NRIP1: variants seen among roughly 807,000 people sequenced by gnomAD.
NRIP1 encodes the protein nuclear receptor interacting protein 1.
NRIP1 carries 28 observed loss-of-function variants against 75.0 expected under a neutral mutation model. The observed-to-expected ratio is 0.37, with a 90% CI of 0.28 to 0.51. NRIP1 has a LOEUF of 0.51. NRIP1 is among the 20% of genes least tolerant of loss of function. The pLI is 0.92. For synonymous variants in NRIP1, 526 were observed against 487.6 expected, an observed-to-expected ratio of 1.08 and a Z score of -1.04; for missense variants, 1,435 against 1,343.7, an observed-to-expected ratio of 1.07 and a Z score of -1.06.
chr21:15,063,745 T>TA (rs142340926), intron 1 of NRIP1, among the ~76,000 whole-genome samples: 2,264 of 152,338 alleles, frequency 0.015, 49 homozygotes, highest in African/African-American at 0.05. Context: ...TCCTTGTGCC[T>TA]AAGAACGTCT....
Position 14,968,175 on chromosome 21 carries a change from C to T in NRIP1, c.18G>A (p.Glu6=), listed in dbSNP as rs755463483. 1.9e-6 allele frequency: 3 copies of T among 1,610,888 alleles called. No individual in the cohort carries two copies. Among genetic ancestry groups the T allele is most frequent in the Non-Finnish European group, 8.5e-7 (1 of 1,178,420 alleles). Residue 6 remains glutamate, a synonymous_variant, in exon 4 of 4, where the codon GAG becomes GAA. Coordinates refer to ENST00000318948, the MANE Select transcript of NRIP1 (RefSeq NM_003489.4). ...AATCCTGGTGCACATCAGAGCCAAGCTCTTCTCCATGAGTCATGTTCAATA... is the reference window on the plus strand; with the variant it reads ...AATCCTGGTGCACATCAGAGCCAAGTTCTTCTCCATGAGTCATGTTCAATA... MTHGE[E]LGSDVHQDSI...
At chr21:15,047,763 G>C (rs1229768285) in intron 1 of NRIP1, among the ~76,000 whole-genome samples, 1 of 152,136 alleles carries the variant, frequency 6.6e-6, no homozygotes, top group East Asian at 1.9e-4. Flanking sequence ...TCATTCATGT[G>C]TTCACTGGAG....
rs2086695308 is a variant in NRIP1, at chr21:14,965,169, A to G, written c.3024T>C (p.Thr1008=). The G allele has an allele frequency of 6.2e-7, 1 of 1,613,178 alleles. No individual in the cohort carries two copies. Among genetic ancestry groups the G allele is most frequent in the African/African-American group, 1.3e-5 (1 of 74,898 alleles). The change falls in exon 4 of 4, where the codon ACT becomes ACC. Residue 1008 remains threonine (T), a synonymous_variant. Transcript: ENST00000318948. The stretch of plus-strand genomic sequence containing the variant: ...GCTCAGGGAAAGTAGGACTCACAGG[A>G]GTTTTTACTACACCTGGGTATGAAA... ...RTFSYPGVVK[T]PVSPTFPEHL... is the part of the protein sequence containing the mutation.
At chr21:15,060,855 C>T (rs2089409154) in intron 1 of NRIP1, among the ~76,000 whole-genome samples, 1 of 152,172 alleles carries the variant, frequency 6.6e-6, no homozygotes, top group Non-Finnish European at 1.5e-5. Flanking sequence ...GATCTCTCTC[C>T]TCCATTTACT....
At position 15,005,972 on chromosome 21, in the gene NRIP1, C is replaced by T. The variant is rs79523922; in HGVS notation, c.-335+8372G>A. ...ATCTTTCAGATTTGTAGCACAGTCACAGGTTAAGACTAAAAAATATTTCCA... is the reference window on the plus strand; with the variant it reads ...ATCTTTCAGATTTGTAGCACAGTCATAGGTTAAGACTAAAAAATATTTCCA... On this transcript the variant is annotated intron_variant, in intron 3 of 3. Transcript: ENST00000318948. 0.018 allele frequency among the ~76,000 whole-genome samples: 2,760 copies of T among 152,110 alleles called. 231 individuals are homozygous for T. The East Asian group carries it at 0.27, about 15-fold the overall frequency.
chr21:14,998,080 C>T (rs2087772138), intron 3 of NRIP1, among the ~76,000 whole-genome samples: 3 of 152,186 alleles, frequency 2.0e-5, no homozygotes, highest in Admixed American at 6.5e-5. Flanking sequence ...TCTCCAGTAT[C>T]TCTGTGTTTG....
chr21:15,029,843 A>G (rs2088603478), intron 2 of NRIP1, among the ~76,000 whole-genome samples: 3 of 149,836 alleles, frequency 2.0e-5, no homozygotes, highest in Admixed American at 2.0e-4. Context: ...TAAATAAATA[A>G]ATAATAAACA....
chr21:14,993,646 G>A (rs1257988152), intron 3 of NRIP1, among the ~76,000 whole-genome samples: 2 of 152,016 alleles, frequency 1.3e-5, no homozygotes, highest in East Asian at 3.9e-4. Flanking sequence ...ATAGCTGGGT[G>A]TGGTGGCACG....
Position 14,965,062 on chromosome 21 carries a change from C to T in NRIP1, c.3131G>A (p.Trp1044Ter), listed in dbSNP as rs1387678549. The T allele has an allele frequency of 1.2e-6, 2 of 1,613,844 alleles. No homozygotes were observed. Among genetic ancestry groups the T allele is most frequent in the South Asian group, 2.2e-5 (2 of 91,080 alleles). The change falls in exon 4 of 4, where the codon TGG (tryptophan) becomes TAG (stop). Residue 1044 changes from tryptophan to a stop codon, truncating the protein, a stop_gained. Transcript: ENST00000318948. LOFTEE classifies it high-confidence loss of function. ...SMPSEKGPIK[W>*]VITDAEKNEY... is the part of the protein sequence containing the mutation. Reference sequence around the variant, plus strand: ...ATTCTTCTCCGCATCAGTGATAACCCACTTAATGGGTCCTTTCTCACTGGG... The same window carrying T: ...ATTCTTCTCCGCATCAGTGATAACCTACTTAATGGGTCCTTTCTCACTGGG...
rs2086783931 is a variant in NRIP1 at position 14,967,363 on chromosome 21, T to G, written c.830A>C (p.Gln277Pro). 2.5e-6 allele frequency: 4 copies of G among 1,614,036 alleles called. No individual in the cohort carries two copies. ...TAAAGCGTGTTCTCGAGAATACTGC[T>G]GCAAATGGGCTTCGCTTGACAGAAG... ...ALLLSSEAHL[Q>P]QYSREHALKT... The change falls in exon 4 of 4, where the codon CAG becomes CCG. Residue 277 changes from glutamine to proline, a missense_variant. Physicochemically the swap from Gln to Pro is moderately conservative, Grantham distance 76 (BLOSUM62 -1). Transcript: ENST00000318948.
At chr21:15,054,551 T>C (rs977170188) in intron 1 of NRIP1, among the ~76,000 whole-genome samples, 1 of 152,216 alleles carries the variant, frequency 6.6e-6, no homozygotes, top group Non-Finnish European at 1.5e-5. Context: ...AAGAAGAAGA[T>C]ACATTTTAAG....
intron 2 of NRIP1, among the ~76,000 whole-genome samples, chr21:15,037,070 T>C (rs1473858848): frequency 1.3e-5 from 2 of 152,284 alleles, no homozygotes; most frequent in East Asian, 3.9e-4. Context: ...AAAATTTGTT[T>C]AGCTAACATA....
chr21:15,059,246 GA>G (rs1179255961), intron 1 of NRIP1, among the ~76,000 whole-genome samples: 4 of 152,150 alleles, frequency 2.6e-5, no homozygotes, highest in Non-Finnish European at 4.4e-5. Context: ...CAGTGACTTG[GA>G]ATTTAAGACA....
At chr21:15,024,234 C>T (rs976482004) in intron 2 of NRIP1, among the ~76,000 whole-genome samples, 7 of 151,994 alleles carry the variant, frequency 4.6e-5, no homozygotes, top group African/African-American at 1.7e-4. Flanking sequence ...TGAACAACAC[C>T]ATAAAATACA....
intron 3 of NRIP1, among the ~76,000 whole-genome samples, chr21:14,981,350 G>C (rs1472460052): frequency 6.6e-6 from 1 of 152,204 alleles, no homozygotes; most frequent in Non-Finnish European, 1.5e-5. Context: ...CCAAGTGTTT[G>C]AAGTACTAAT....
intron 3 of NRIP1, chr21:14,974,261 T>C (rs989403153): frequency 6.6e-6 from 1 of 152,174 alleles, no homozygotes; most frequent in African/African-American, 2.4e-5. Context: ...TGACAGCTCA[T>C]CAACAGGTTC....
intron 1 of NRIP1, among the ~76,000 whole-genome samples, chr21:15,064,162 G>C (rs889270799): frequency 1.3e-5 from 2 of 152,228 alleles, no homozygotes; most frequent in African/African-American, 4.8e-5. Flanking sequence ...CTGGTAAAAT[G>C]ATGGCTGAGG....
At chr21:14,974,887 T>G (rs1374104730) in intron 3 of NRIP1, among the ~76,000 whole-genome samples, 1 of 152,078 alleles carries the variant, frequency 6.6e-6, no homozygotes, top group Admixed American at 6.6e-5. Flanking sequence ...GCAGGATGAA[T>G]GCTTGAGCCC....
At chr21:15,015,643 T>C (rs975337277) in intron 2 of NRIP1, among the ~76,000 whole-genome samples, 1 of 152,102 alleles carries the variant, frequency 6.6e-6, no homozygotes. Flanking sequence ...CATGGAATAT[T>C]ATGTAGTCAT....
Sources: gnomAD v4.1 joint callset for allele counts (sites outside exome capture counted in the v4.1 genomes callset) on GRCh38, gnomAD v4.1.1 for gene constraint, MANE v1.5 for transcripts, NCBI Gene and HGNC (gene_info 2026-07-23, HGNC 2026-07-21) for gene names.